The following SCAPER variants were observed in gnomAD, a reference collection of about 807,000 sequenced individuals.
SCAPER encodes S phase cyclin A-associated protein in the endoplasmic reticulum.
In SCAPER, 98 loss-of-function variants were observed where a neutral mutation model predicts 182.2. The observed-to-expected ratio is 0.54, with a 90% CI of 0.46 to 0.64. The LOEUF is 0.64. Ranked by LOEUF, SCAPER falls within the 30% of genes least tolerant of loss-of-function variation. The pLI is 0.00. For synonymous variants in SCAPER, 605 were observed against 564.6 expected (o/e 1.07, Z -1.01); for missense variants, 1,432 against 1,690.0 (o/e 0.85, Z 2.68).
intron 21 of SCAPER, among the ~76,000 whole-genome samples, chr15:76,643,413 G>A (rs1203494579): frequency 6.6e-6 from 1 of 152,162 alleles, no homozygotes; most frequent in Non-Finnish European, 1.5e-5. Flanking sequence ...CAGGCATGGT[G>A]GCTAACGCCT....
At chr15:76,362,721 C>T (rs199837684) in intron 29 of SCAPER, among the ~76,000 whole-genome samples, 2 of 148,636 alleles carry the variant, frequency 1.3e-5, no homozygotes, top group African/African-American at 2.5e-5. Context: ...CTTGCTCTCT[C>T]TCTTTCTCTC....
At chr15:76,677,699 C>A (rs1028581518) in intron 20 of SCAPER, among the ~76,000 whole-genome samples, 1 of 148,742 alleles carries the variant, frequency 6.7e-6, no homozygotes, top group African/African-American at 2.5e-5. Flanking sequence ...AAGTTTACAC[C>A]CTTCTTATTC....
chr15:76,653,243 A>G (rs2055326637), intron 21 of SCAPER, among the ~76,000 whole-genome samples: 1 of 152,232 alleles, frequency 6.6e-6, no homozygotes, highest in Admixed American at 6.5e-5. Flanking sequence ...AAAACATTCC[A>G]TGCTCATGGA....
chr15:76,618,579 G>A (rs867308705), intron 22 of SCAPER, among the ~76,000 whole-genome samples: 1 of 151,422 alleles, frequency 6.6e-6, no homozygotes, highest in Non-Finnish European at 1.5e-5. Flanking sequence ...TATATCTCTT[G>A]TTAGCTTTTT....
At position 76,381,463 on chromosome 15, in the gene SCAPER, T is replaced by C. The variant is rs957923580; in HGVS notation, c.3620A>G (p.Asn1207Ser). The C allele has an allele frequency of 6.2e-7, 1 of 1,613,842 alleles. No homozygotes were observed. Among genetic ancestry groups the C allele is most frequent in the Non-Finnish European group, 8.5e-7 (1 of 1,179,850 alleles). ...CACTTGGATGGTATTTTGAGTGTAA[T>C]TCTCCTTGGGACTGGCAGTGCTGGG... ...LDPSTASPKE[N>S]YTQNTIQVAI... The change falls in exon 28 of 32, where the codon AAT becomes AGT. Residue 1207 changes from asparagine (N) to serine (S), a missense_variant. Coordinates refer to ENST00000563290, the MANE Select transcript of SCAPER (RefSeq NM_020843.4).
chr15:76,443,089 TTGA>T (rs1397698005), intron 25 of SCAPER, among the ~76,000 whole-genome samples: 1 of 152,214 alleles, frequency 6.6e-6, no homozygotes, highest in Non-Finnish European at 1.5e-5. Context: ...ATGGTGGACC[TTGA>T]TGAATGGAGA....
At chr15:76,809,839 A>G (rs1463037274) in intron 5 of SCAPER, among the ~76,000 whole-genome samples, 3 of 152,210 alleles carry the variant, frequency 2.0e-5, no homozygotes, top group Non-Finnish European at 1.5e-5. Flanking sequence ...ACAAAGACAG[A>G]CTTATGAAGA....
At chr15:76,622,797 A>G (rs1468526045) in intron 21 of SCAPER, among the ~76,000 whole-genome samples, 1 of 152,148 alleles carries the variant, frequency 6.6e-6, no homozygotes, top group Admixed American at 6.5e-5. Context: ...TAAAAATTCA[A>G]TATGGTATTA....
chr15:76,865,849 C>T (rs1224142838), intron 2 of SCAPER, among the ~76,000 whole-genome samples: 1 of 152,142 alleles, frequency 6.6e-6, no homozygotes, highest in Non-Finnish European at 1.5e-5. Context: ...TTCCTTCATT[C>T]CTCTGACCTT....
intron 29 of SCAPER, among the ~76,000 whole-genome samples, chr15:76,358,994 TAG>T (rs113830860): frequency 1.7e-4 from 26 of 152,330 alleles, no homozygotes; most frequent in African/African-American, 6.3e-4. Flanking sequence ...ATTTGAGCCT[TAG>T]AGTCTTTATA....
At chr15:76,537,459 C>A (rs1315649511) in intron 23 of SCAPER, among the ~76,000 whole-genome samples, 1 of 152,076 alleles carries the variant, frequency 6.6e-6, no homozygotes, top group Non-Finnish European at 1.5e-5. Context: ...GAAAAAGAAG[C>A]AATGGGGAAA....
chr15:76,449,543 A>G (rs12438145), intron 25 of SCAPER, among the ~76,000 whole-genome samples: 5 of 152,166 alleles, frequency 3.3e-5, no homozygotes, highest in African/African-American at 1.2e-4. Flanking sequence ...TGTTTTCTCA[A>G]CTGTAACTTG....
intron 14 of SCAPER, among the ~76,000 whole-genome samples, chr15:76,762,830 T>C (rs1331840529): frequency 2.0e-5 from 3 of 152,126 alleles, no homozygotes; most frequent in African/African-American, 7.2e-5. Context: ...TTGTTGTTCC[T>C]TATTTTTGTA....
At chr15:76,565,112 T>C (rs1050289907) in intron 23 of SCAPER, among the ~76,000 whole-genome samples, 2 of 151,820 alleles carry the variant, frequency 1.3e-5, no homozygotes, top group Non-Finnish European at 3.0e-5. Context: ...GCAAAGATCT[T>C]ATGATGAAGA....
chr15:76,507,805 A>G (rs1047908604), intron 23 of SCAPER, among the ~76,000 whole-genome samples: 3 of 152,212 alleles, frequency 2.0e-5, no homozygotes, highest in Non-Finnish European at 4.4e-5. Flanking sequence ...TTTCTTTGCA[A>G]TAAAACTAAC....
chr15:76,391,203 C>T (rs947483009), intron 27 of SCAPER, among the ~76,000 whole-genome samples: 3 of 152,152 alleles, frequency 2.0e-5, no homozygotes, highest in Non-Finnish European at 4.4e-5. Flanking sequence ...TTGCTTGGGT[C>T]TTTACATGCC....
At chr15:76,753,252 GTATTT>G (rs2062204384) in intron 15 of SCAPER, among the ~76,000 whole-genome samples, 1 of 151,840 alleles carries the variant, frequency 6.6e-6, no homozygotes, top group Non-Finnish European at 1.5e-5. Context: ...ACAAATTATG[GTATTT>G]CCATACGTAA....
intron 15 of SCAPER, among the ~76,000 whole-genome samples, chr15:76,735,426 G>A (rs746301032): frequency 1.3e-5 from 2 of 151,890 alleles, no homozygotes; most frequent in African/African-American, 4.8e-5. Context: ...GGTCAGGCAC[G>A]GTGACTCACA....
intron 17 of SCAPER, among the ~76,000 whole-genome samples, chr15:76,711,699 A>C (rs1166857084): frequency 6.6e-6 from 1 of 152,142 alleles, no homozygotes; most frequent in Non-Finnish European, 1.5e-5. Flanking sequence ...GATGATGAGC[A>C]CTTTTTCATG....
Sources: allele counts gnomAD v4.1 joint callset (sites outside exome capture counted in the v4.1 genomes callset), GRCh38; gene constraint gnomAD v4.1.1; transcripts MANE v1.5; gene names NCBI Gene and HGNC (gene_info 2026-07-23, HGNC 2026-07-21).